TTLL7: variants seen among roughly 807,000 people sequenced by gnomAD.
The protein encoded by TTLL7 is tubulin tyrosine ligase like 7.
A neutral mutation model predicts 120.2 loss-of-function variants in TTLL7; 53 were observed. That is an observed-to-expected ratio of 0.44 (90% confidence interval 0.35 to 0.55). The LOEUF is 0.55. Ranked by LOEUF, TTLL7 falls within the 20% of genes least tolerant of loss-of-function variation. The pLI is 0.00. For missense variants in TTLL7, 803 were observed against 1,054.7 expected (o/e 0.76, Z 3.31); for synonymous variants, 353 against 351.7 (o/e 1.00, Z -0.04).
chr1:83,869,031 A>T lies in TTLL7; in HGVS notation c.*931T>A, dbSNP rs967412198. ...ACTCTTGTCACCCAGGCTAGAATGC[A>T]ATGGCACAATCTCGGCTCACTGCAA... On this transcript the variant is annotated 3_prime_UTR_variant, in exon 21 of 21. Transcript: ENST00000260505. 1.3e-5 allele frequency: 2 copies of T among 150,622 alleles called. No individual in the cohort carries two copies. The highest frequency in any genetic ancestry group is 3.0e-5 in the Non-Finnish European group (2 of 67,742). 9.3% of individuals were successfully genotyped at this position (150,622 alleles called of 1,614,324 possible).
At chr1:83,923,314 T>A (rs1300479239) in intron 10 of TTLL7, among the ~76,000 whole-genome samples, 1 of 142,044 alleles carries the variant, frequency 7.0e-6, no homozygotes, top group African/African-American at 2.6e-5. Context: ...GAAAAGAAAA[T>A]AGAAATGAAA....
chr1:83,868,686 C>T lies in TTLL7; in HGVS notation c.*1276G>A, dbSNP rs1468456352. The T allele has an allele frequency of 6.6e-6, 1 of 152,122 alleles. No individual in the cohort carries two copies. The highest frequency in any genetic ancestry group is 2.4e-5 in the African/African-American group (1 of 41,432). 9.4% of individuals were successfully genotyped at this position (152,122 alleles called of 1,614,324 possible). ...ATAAGTTTGTCTCATTATCCTGTAA[C>T]ACTAAAATGAGTGAAATGTGTCAAC... On this transcript the variant is annotated 3_prime_UTR_variant, in exon 21 of 21. Transcript: ENST00000260505.
intron 20 of TTLL7, among the ~76,000 whole-genome samples, chr1:83,876,738 T>C (rs1653961807): frequency 6.6e-6 from 1 of 151,970 alleles, no homozygotes; most frequent in Non-Finnish European, 1.5e-5. Flanking sequence ...TAAAGAAAAG[T>C]GTAATTGATT....
Position 83,997,003 on chromosome 1 carries a change from A to G in TTLL7, c.-177+1928T>C, listed in dbSNP as rs1653543083. ...TTCAGGATATAGGTTATAGCCATGT[A>G]AAGAACAAAATGAAATGACTTTTAG... On this transcript the variant is annotated intron_variant, in intron 1 of 20. Coordinates refer to ENST00000260505, the MANE Select transcript of TTLL7 (RefSeq NM_024686.6). Among the ~76,000 whole-genome samples the G allele has an allele frequency of 2.0e-5, 3 of 152,206 alleles. No individual in the cohort carries two copies. In the South Asian group the frequency reaches 6.2e-4, roughly 32 times the overall value.
In TTLL7 at chr1:83,869,389, A is replaced by G. The variant is rs1224289720; in HGVS notation, c.*573T>C. On this transcript the variant is annotated 3_prime_UTR_variant, in exon 21 of 21. Transcript: ENST00000260505. The stretch of plus-strand genomic sequence containing the variant: ...AATAAAAAGATTGGAGAATCAGGTT[A>G]TGACTTTTCTAGCACTTTACAGTGT... 6.6e-6 allele frequency: 1 copy of G among 152,240 alleles called. No individual in the cohort carries two copies. Among genetic ancestry groups the G allele is most frequent in the Non-Finnish European group, 1.5e-5 (1 of 68,080 alleles). The allele number at this position is 152,240 out of a possible 1,614,324, so 9.4% of individuals were successfully genotyped here.
At chr1:83,907,359 A>C in intron 16 of TTLL7, 97 bp downstream of exon 16, 1 of 1,069,184 alleles carries the variant, frequency 9.4e-7, no homozygotes, top group Non-Finnish European at 1.4e-6. Context: ...GAATTATGGA[A>C]AGGATCTGAG....
At chr1:83,956,596 T>G (rs531178080) in intron 1 of TTLL7, among the ~76,000 whole-genome samples, 26 of 152,056 alleles carry the variant, frequency 1.7e-4, no homozygotes, top group Middle Eastern at 3.4e-3. Flanking sequence ...CCTGGCTAAT[T>G]GTTTTGTATT....
chr1:83,913,257 A>G (rs1221575888), intron 14 of TTLL7, among the ~76,000 whole-genome samples: 1 of 152,170 alleles, frequency 6.6e-6, no homozygotes, highest in Non-Finnish European at 1.5e-5. Flanking sequence ...TTTATTATGA[A>G]GTAGGCTATA....
chr1:83,884,126 T>C (rs1654756773), intron 19 of TTLL7, among the ~76,000 whole-genome samples: 1 of 150,384 alleles, frequency 6.6e-6, no homozygotes. Context: ...ACTCCACCAG[T>C]AGGGAGGGAG....
intron 1 of TTLL7, among the ~76,000 whole-genome samples, chr1:83,961,243 TA>T (rs1371219221): frequency 6.6e-6 from 1 of 151,988 alleles, no homozygotes; most frequent in Non-Finnish European, 1.5e-5. Context: ...GAATTTAAAA[TA>T]AAAAAATTTC....
At chr1:83,982,096 G>T (rs940796250) in intron 1 of TTLL7, among the ~76,000 whole-genome samples, 1 of 152,130 alleles carries the variant, frequency 6.6e-6, no homozygotes, top group Admixed American at 6.5e-5. Flanking sequence ...TATGTTATCT[G>T]ACTAGATTGA....
chr1:83,941,467 G>A (rs1647963226), intron 7 of TTLL7, among the ~76,000 whole-genome samples: 1 of 152,090 alleles, frequency 6.6e-6, no homozygotes, highest in African/African-American at 2.4e-5. Flanking sequence ...TGAAAAGTTT[G>A]ACAGTTTCCT....
chr1:83,935,241 A>G (rs1010724807), intron 8 of TTLL7, among the ~76,000 whole-genome samples: 1 of 152,170 alleles, frequency 6.6e-6, no homozygotes. Context: ...AGAGCAGAAA[A>G]AGTTAAAACT....
chr1:83,918,500 A>T (rs1353804718), intron 13 of TTLL7, among the ~76,000 whole-genome samples: 3 of 152,162 alleles, frequency 2.0e-5, no homozygotes, highest in Non-Finnish European at 4.4e-5. Context: ...TGTGTAAAGT[A>T]AGTTACTCTT....
rs1012326820 is a variant in TTLL7, at chr1:83,953,443, G to A, written c.-176-1056C>T. The stretch of plus-strand genomic sequence containing the variant: ...CATCCAACATTCAGCTACATAAAAC[G>A]TGAGTCCTATATCACTCCAAATATT... On this transcript the variant is annotated intron_variant, in intron 1 of 20. Coordinates refer to ENST00000260505, the MANE Select transcript of TTLL7 (RefSeq NM_024686.6). 5.0e-4 allele frequency among the ~76,000 whole-genome samples: 76 copies of A among 152,056 alleles called. 1 individual carries two copies. The highest frequency in any genetic ancestry group is 1.7e-3 in the African/African-American group (69 of 41,510).
At chr1:83,927,082 G>A (rs1659198102) in intron 10 of TTLL7, among the ~76,000 whole-genome samples, 1 of 152,112 alleles carries the variant, frequency 6.6e-6, no homozygotes, top group African/African-American at 2.4e-5. Flanking sequence ...TGCCCTCCAT[G>A]TGAGATTCTG....
intron 19 of TTLL7, chr1:83,887,362 G>A (rs758768871): frequency 4.2e-6 from 2 of 475,484 alleles, no homozygotes; most frequent in Non-Finnish European, 7.0e-6. Context: ...ATGACCATTA[G>A]GCCTTCGGAC....
In TTLL7 at chr1:83,917,641, T is replaced by G; in HGVS notation, c.1550A>C (p.Lys517Thr). 2 of 1,613,570 alleles carry G rather than the reference T, an allele frequency of 1.2e-6. No individual in the cohort carries two copies. Among genetic ancestry groups the G allele is most frequent in the Non-Finnish European group, 1.7e-6 (2 of 1,179,622 alleles). ...AGTCTTGGTAGTTTTTCCCATCAACTTTTCATCATCAATTTCACATTGCTC... is the reference window on the plus strand; with the variant it reads ...AGTCTTGGTAGTTTTTCCCATCAACGTTTCATCATCAATTTCACATTGCTC... ...LLEQCEIDDE[K>T]LMGKTTKTRG... Residue 517 changes from lysine (K) to threonine (T), a missense_variant, in exon 14 of 21, where the codon AAG (lysine) becomes ACG (threonine). By Grantham distance (78) the Lys-to-Thr change is moderately conservative. Transcript: ENST00000260505.
intron 14 of TTLL7, chr1:83,912,832 T>A (rs1464327781): frequency 2.0e-5 from 3 of 152,188 alleles, no homozygotes; most frequent in Admixed American, 2.0e-4. Context: ...CAAAGAGATA[T>A]GCATAAAAAC....
Sources: gnomAD v4.1 joint callset for allele counts (sites outside exome capture counted in the v4.1 genomes callset) on GRCh38, gnomAD v4.1.1 for gene constraint, MANE v1.5 for transcripts, NCBI Gene and HGNC (gene_info 2026-07-23, HGNC 2026-07-21) for gene names.